Variants in ABCA8 observed in about 807,000 individuals in gnomAD.
ABCA8 encodes the protein ATP binding cassette subfamily A member 8.
In ABCA8, 177 loss-of-function variants were observed where a neutral mutation model predicts 192.3. The ratio of observed to expected loss-of-function variants is 0.92; its 90% confidence interval spans 0.81 to 1.04. The LOEUF is 1.04. Ranked by LOEUF, ABCA8 falls within the 50% of genes least tolerant of loss-of-function variation. ABCA8 has a pLI of 0.00. For synonymous variants in ABCA8, 642 were observed against 690.2 expected, an observed-to-expected ratio of 0.93 and a Z score of 1.09; for missense variants, 1,915 against 1,904.8, an observed-to-expected ratio of 1.01 and a Z score of -0.10.
chr17:68,875,791 A>T (rs2066188465), intron 35 of ABCA8, 58 bp from the exon 36 acceptor site: 1 of 1,555,852 alleles, frequency 6.4e-7, no homozygotes, highest in Non-Finnish European at 8.7e-7. Flanking sequence ...TCAGAAAGAG[A>T]TAGAGAAAAG....
chr17:68,934,259 TTGA>T (rs2143716880), intron 5 of ABCA8, among the ~76,000 whole-genome samples: 1 of 152,304 alleles, frequency 6.6e-6, no homozygotes, highest in South Asian at 2.1e-4. Context: ...CATTCTCCTG[TTGA>T]TAACAATTTG....
intron 10 of ABCA8, among the ~76,000 whole-genome samples, chr17:68,926,228 C>T (rs1488790830): frequency 2.0e-5 from 3 of 152,020 alleles, no homozygotes; most frequent in Non-Finnish European, 4.4e-5. Flanking sequence ...AAAACAATTA[C>T]CTAAGAGGAT....
rs201854621 is a variant in ABCA8 at position 68,900,567 on chromosome 17, A to AG, written c.2764+2145dup. 6.9e-3 allele frequency among the ~76,000 whole-genome samples: 1,035 copies of AG among 148,972 alleles called. 15 individuals are homozygous for AG. Among genetic ancestry groups the AG allele is most frequent in the African/African-American group, 0.024 (992 of 40,676 alleles). ...AAAAAAAAAAAAAAAAAAGAAGTGCAGGGAACATTTGCCAACTTATTATAT... is the reference window on the plus strand; with the variant it reads ...AAAAAAAAAAAAAAAAAAGAAGTGCAGGGGAACATTTGCCAACTTATTATAT... On this transcript the variant is annotated intron_variant, in intron 21 of 39. Transcript: ENST00000586539.
intron 24 of ABCA8, among the ~76,000 whole-genome samples, chr17:68,888,812 T>C (rs2066556002): frequency 6.6e-6 from 1 of 151,980 alleles, no homozygotes; most frequent in African/African-American, 2.4e-5. Context: ...GACCAGCCAG[T>C]AGAGGGGATT....
chr17:68,888,254 T>A (rs888713383), intron 24 of ABCA8, among the ~76,000 whole-genome samples: 18 of 152,000 alleles, frequency 1.2e-4, no homozygotes, highest in African/African-American at 4.1e-4. Flanking sequence ...TATTTTACAT[T>A]ATTTGTCATT....
In ABCA8 at chr17:68,900,034, T is replaced by C. The variant is rs1158129695; in HGVS notation, c.2764+2679A>G. Reference sequence around the variant, plus strand: ...CTCAAACCAGTGAGTGAAACTTCTGTGTTAAGACACTGAAAAGAGAGGAAC... The same window carrying C: ...CTCAAACCAGTGAGTGAAACTTCTGCGTTAAGACACTGAAAAGAGAGGAAC... On this transcript the variant is annotated intron_variant, in intron 21 of 39. Coordinates refer to ENST00000586539, the MANE Select transcript of ABCA8 (RefSeq NM_001288985.2). Among the ~76,000 whole-genome samples the C allele has an allele frequency of 3.9e-5, 6 of 152,236 alleles. No homozygotes were observed. In the East Asian group the frequency reaches 1.2e-3, roughly 29 times the overall value.
At chr17:68,943,363 T>C (rs1368721789) in intron 2 of ABCA8, among the ~76,000 whole-genome samples, 1 of 152,214 alleles carries the variant, frequency 6.6e-6, no homozygotes, top group Non-Finnish European at 1.5e-5. Flanking sequence ...TCCGTGTATG[T>C]GTATAGATAT....
chr17:68,922,159 A>G, intron 12 of ABCA8, 83 bp downstream of exon 12: 1 of 911,196 alleles, frequency 1.1e-6, no homozygotes, highest in Non-Finnish European at 1.5e-6. Context: ...TCAGGAAATC[A>G]ATACTAATAT....
intron 19 of ABCA8, 47 bp downstream of exon 19, chr17:68,905,997 C>A (rs1401497132): frequency 6.7e-7 from 1 of 1,482,006 alleles, no homozygotes; most frequent in South Asian, 1.4e-5. Context: ...ACAGTGTGTT[C>A]TTGAAATATG....
At chr17:68,932,141 CG>C in intron 7 of ABCA8, 146 bp downstream of exon 7, 1 of 574,014 alleles carries the variant, frequency 1.7e-6, no homozygotes, top group Non-Finnish European at 3.0e-6. Context: ...ACCTGTGAGG[CG>C]GAGCTTGCAG....
intron 37 of ABCA8, 145 bp downstream of exon 37, chr17:68,875,115 C>A: frequency 8.6e-7 from 1 of 1,161,866 alleles, no homozygotes; most frequent in South Asian, 1.6e-5. Flanking sequence ...CTTACGTCTG[C>A]TTTCTCTTCT....
In ABCA8 at chr17:68,907,733, A is replaced by G; in HGVS notation, c.2278+7T>C. 6.3e-7 allele frequency: 1 copy of G among 1,581,408 alleles called. No homozygotes were observed. Among genetic ancestry groups the G allele is most frequent in the Non-Finnish European group, 8.6e-7 (1 of 1,168,026 alleles). On this transcript the variant is annotated splice_region_variant and intron_variant, in intron 18 of 39. Coordinates refer to ENST00000586539, the MANE Select transcript of ABCA8 (RefSeq NM_001288985.2). ...ATATTTTATTTCACAGTGTTCATGC[A>G]CATTACCTGGAAATTTATTTGTTCT... is the stretch of plus-strand genomic sequence containing the variant.
intron 1 of ABCA8, among the ~76,000 whole-genome samples, chr17:68,951,105 C>A (rs1401334096): frequency 6.6e-6 from 1 of 152,264 alleles, no homozygotes; most frequent in South Asian, 2.1e-4. Flanking sequence ...CAAGCCTATC[C>A]AAGATCAGCA....
chr17:68,904,339 TA>T (rs2067007135), intron 19 of ABCA8, among the ~76,000 whole-genome samples: 1 of 125,968 alleles, frequency 7.9e-6, no homozygotes, highest in Admixed American at 8.2e-5. Flanking sequence ...ATAATAATAA[TA>T]ATTCAGGGAT....
At chr17:68,888,321 T>G (rs536788437) in intron 24 of ABCA8, among the ~76,000 whole-genome samples, 1 of 152,188 alleles carries the variant, frequency 6.6e-6, no homozygotes, top group South Asian at 2.1e-4. Context: ...GTGATGTGGT[T>G]TTCAGTATAA....
Position 68,939,827 on chromosome 17 carries a change from T to C in ABCA8, c.301+931A>G, listed in dbSNP as rs577020241. 1.5e-4 allele frequency among the ~76,000 whole-genome samples: 23 copies of C among 152,300 alleles called. No homozygotes were observed. In the South Asian group the frequency reaches 4.8e-3, roughly 32 times the overall value. On this transcript the variant is annotated intron_variant, in intron 4 of 39. Coordinates refer to ENST00000586539, the MANE Select transcript of ABCA8 (RefSeq NM_001288985.2). ...ATATAGTATTATTTTTTATAGATCA[T>C]TGTTAACTAGTCACCCTACTGATCT...
chr17:68,887,925 T>TGTATA, intron 24 of ABCA8, among the ~76,000 whole-genome samples: 24 of 101,000 alleles, frequency 2.4e-4, no homozygotes, highest in East Asian at 9.7e-4. Context: ...TATATATATA[T>TGTATA]TATATATGGA....
Position 68,924,874 on chromosome 17 carries a change from A to C in ABCA8, c.1274-5T>G. 6.2e-7 allele frequency: 1 copy of C among 1,613,368 alleles called. No homozygotes were observed. Among genetic ancestry groups the C allele is most frequent in the South Asian group, 1.1e-5 (1 of 90,986 alleles). ...GACGTCGATGTCCATATTCATCTAC[A>C]TGGCCAGAAGACAATTAAATATTGG... On this transcript the variant is annotated splice_polypyrimidine_tract_variant and splice_region_variant and intron_variant, in intron 10 of 39. Coordinates refer to ENST00000586539, the MANE Select transcript of ABCA8 (RefSeq NM_001288985.2).
At chr17:68,945,389 T>C (rs150805049) in intron 2 of ABCA8, among the ~76,000 whole-genome samples, 10 of 152,314 alleles carry the variant, frequency 6.6e-5, no homozygotes, top group Non-Finnish European at 1.3e-4. Context: ...GATATTTGTT[T>C]GCTGCTAGTT....
Sources: allele counts gnomAD v4.1 joint callset (sites outside exome capture counted in the v4.1 genomes callset), GRCh38; gene constraint gnomAD v4.1.1; transcripts MANE v1.5; gene names NCBI Gene and HGNC (gene_info 2026-07-23, HGNC 2026-07-21).